The following RBFOX1 variants were observed in gnomAD, a reference collection of about 807,000 sequenced individuals.
The protein encoded by RBFOX1 is RNA binding fox-1 homolog 1.
Under a neutral mutation model 57.7 loss-of-function variants are expected in RBFOX1, and 8 were observed. The observed-to-expected ratio is 0.14, with a 90% confidence interval of 0.08 to 0.25. The LOEUF (loss-of-function observed/expected upper bound fraction) is 0.25. RBFOX1 is among the 10% of genes least tolerant of loss of function. RBFOX1 has a pLI of 1.00. For synonymous variants in RBFOX1, 326 were observed against 222.4 expected, an observed-to-expected ratio of 1.47 and a Z score of -4.15; for missense variants, 611 against 548.5, an observed-to-expected ratio of 1.11 and a Z score of -1.14.
chr16:6,493,224 C>G (rs1395265883), intron 2 of RBFOX1, among the ~76,000 whole-genome samples: 4 of 152,102 alleles, frequency 2.6e-5, no homozygotes, highest in Non-Finnish European at 4.4e-5. Context: ...AAAGATAAAA[C>G]TGAAAATCAT....
chr16:7,088,963 C>T (rs530799135), intron 4 of RBFOX1, among the ~76,000 whole-genome samples: 1 of 152,200 alleles, frequency 6.6e-6, no homozygotes, highest in Non-Finnish European at 1.5e-5. Context: ...TATGAACTCT[C>T]TTTGCTGTAA....
intron 4 of RBFOX1, among the ~76,000 whole-genome samples, chr16:7,098,910 G>A (rs926754187): frequency 1.3e-5 from 2 of 152,128 alleles, no homozygotes; most frequent in Non-Finnish European, 2.9e-5. Flanking sequence ...TCTTTAAAAT[G>A]GGACTGTTAC....
intron 3 of RBFOX1, among the ~76,000 whole-genome samples, chr16:6,741,664 G>C (rs914368405): frequency 1.0e-4 from 15 of 144,500 alleles, no homozygotes; most frequent in South Asian, 2.2e-4. Flanking sequence ...GCCAGACTCA[G>C]TCTCAAAAAA....
At chr16:5,991,299 C>A (rs181732585) in intron 4 of RBFOX1, among the ~76,000 whole-genome samples, 1 of 152,174 alleles carries the variant, frequency 6.6e-6, no homozygotes, top group East Asian at 1.9e-4. Context: ...TTTTAATATA[C>A]GTCTCCCAGG....
At chr16:6,953,741 A>T (rs1295545498) in intron 3 of RBFOX1, among the ~76,000 whole-genome samples, 1 of 152,242 alleles carries the variant, frequency 6.6e-6, no homozygotes, top group Admixed American at 6.5e-5. Context: ...TATTTTATAT[A>T]CATAATGGGT....
intron 1 of RBFOX1, among the ~76,000 whole-genome samples, chr16:5,450,502 C>A (rs1053428486): frequency 6.6e-6 from 1 of 152,144 alleles, no homozygotes; most frequent in Non-Finnish European, 1.5e-5. Flanking sequence ...GCGTGTGGGG[C>A]GGGCCTCTCT....
chr16:7,212,420 A>G (rs545998869), intron 4 of RBFOX1, among the ~76,000 whole-genome samples: 2 of 152,188 alleles, frequency 1.3e-5, no homozygotes, highest in South Asian at 4.1e-4. Context: ...CCTCTTTCCC[A>G]CTATTTTAAA....
At chr16:6,469,450 C>T (rs2095125169) in intron 2 of RBFOX1, among the ~76,000 whole-genome samples, 1 of 152,142 alleles carries the variant, frequency 6.6e-6, no homozygotes, top group Non-Finnish European at 1.5e-5. Flanking sequence ...GTTGATTGAG[C>T]ACCAGATGAG....
At chr16:6,070,357 G>A (rs547020508) in intron 1 of RBFOX1, among the ~76,000 whole-genome samples, 1 of 152,312 alleles carries the variant, frequency 6.6e-6, no homozygotes, top group Admixed American at 6.5e-5. Flanking sequence ...AAAATCCAGT[G>A]AGTGCCTGCA....
At chr16:7,060,138 G>C (rs1352049768) in intron 4 of RBFOX1, among the ~76,000 whole-genome samples, 7 of 152,242 alleles carry the variant, frequency 4.6e-5, no homozygotes, top group African/African-American at 7.2e-5. Flanking sequence ...AAAAAAGCCA[G>C]ATTGTGACTA....
At chr16:5,514,913 G>T (rs1312488171) in intron 2 of RBFOX1, among the ~76,000 whole-genome samples, 1 of 152,170 alleles carries the variant, frequency 6.6e-6, no homozygotes, top group Admixed American at 6.5e-5. Flanking sequence ...TCATGGTTCT[G>T]CAGGTTGGAA....
intron 2 of RBFOX1, among the ~76,000 whole-genome samples, chr16:6,543,574 C>T (rs551799106): frequency 2.3e-4 from 35 of 152,102 alleles, no homozygotes; most frequent in Non-Finnish European, 4.1e-4. Context: ...AAGGCCTTTA[C>T]TGCTGCTTTG....
intron 3 of RBFOX1, among the ~76,000 whole-genome samples, chr16:6,732,355 C>T (rs1296116268): frequency 6.6e-6 from 1 of 152,194 alleles, no homozygotes; most frequent in Non-Finnish European, 1.5e-5. Flanking sequence ...GAGTCTCTGA[C>T]AGATGCAGCA....
chr16:6,189,640 C>A (rs1052365912), intron 1 of RBFOX1, among the ~76,000 whole-genome samples: 1 of 152,196 alleles, frequency 6.6e-6, no homozygotes, highest in Admixed American at 6.5e-5. Flanking sequence ...CTATAAAGGA[C>A]AGCTGGTGGT....
At chr16:6,164,434 T>A (rs2096901115) in intron 1 of RBFOX1, among the ~76,000 whole-genome samples, 1 of 151,918 alleles carries the variant, frequency 6.6e-6, no homozygotes, top group Non-Finnish European at 1.5e-5. Context: ...AGAAGTGATG[T>A]TTTCCACAGA....
intron 13 of RBFOX1, among the ~76,000 whole-genome samples, chr16:7,672,095 T>C (rs1277778110): frequency 6.6e-6 from 1 of 152,182 alleles, no homozygotes; most frequent in Admixed American, 6.5e-5. Flanking sequence ...ATACCTGACA[T>C]CTAACATAAC....
intron 3 of RBFOX1, among the ~76,000 whole-genome samples, chr16:6,884,156 A>T (rs770617756): frequency 6.6e-6 from 1 of 152,192 alleles, no homozygotes; most frequent in African/African-American, 2.4e-5. Flanking sequence ...CTGCAGACAG[A>T]AGCTGCTTCC....
intron 4 of RBFOX1, among the ~76,000 whole-genome samples, chr16:7,501,311 C>G (rs2070766379): frequency 6.6e-6 from 1 of 152,212 alleles, no homozygotes; most frequent in Non-Finnish European, 1.5e-5. Flanking sequence ...ATTATCAGCT[C>G]TCTCTCTGTT....
At chr16:6,608,186 T>C (rs540592957) in intron 2 of RBFOX1, among the ~76,000 whole-genome samples, 1 of 152,340 alleles carries the variant, frequency 6.6e-6, no homozygotes, top group Non-Finnish European at 1.5e-5. Context: ...TGAGTCTGTA[T>C]CCTTGGTATC....
Sources: gnomAD v4.1 joint callset for allele counts (sites outside exome capture counted in the v4.1 genomes callset) on GRCh38, gnomAD v4.1.1 for gene constraint, MANE v1.5 for transcripts, NCBI Gene and HGNC (gene_info 2026-07-23, HGNC 2026-07-21) for gene names.